ARMCX4: variants seen among roughly 807,000 people sequenced by gnomAD.
ARMCX4 encodes armadillo repeat containing X-linked 4.
ARMCX4 carries 3 observed loss-of-function variants against 34.7 expected under a neutral mutation model. That is an observed-to-expected ratio of 0.09 (90% CI 0.04 to 0.22). The LOEUF is 0.22. Ranked by LOEUF, ARMCX4 falls within the 10% of genes least tolerant of loss-of-function variation. The pLI is 1.00. For synonymous variants in ARMCX4, 513 were observed against 632.8 expected, an observed-to-expected ratio of 0.81 and a Z score of 2.84; for missense variants, 1,448 against 1,720.8, an observed-to-expected ratio of 0.84 and a Z score of 2.81.
At chrX:101,444,617 T>C (rs1279580403) in intron 3 of ARMCX4, among the ~76,000 whole-genome samples, 2 of 112,501 alleles carry the variant, frequency 1.8e-5, no homozygotes, top group Non-Finnish European at 3.7e-5. Context: ...TCTCCCCTCT[T>C]GTAATAGTCT....
At chrX:101,527,603 A>C (rs1446103622) in intron 11 of ARMCX4, among the ~76,000 whole-genome samples, 6 of 111,767 alleles carry the variant, frequency 5.4e-5, no homozygotes, top group African/African-American at 1.6e-4. Context: ...TAAAGAAGAA[A>C]AGAGAGAAGA....
intron 2 of ARMCX4, among the ~76,000 whole-genome samples, chrX:101,429,597 A>G (rs1455513090): frequency 2.7e-5 from 3 of 110,715 alleles, no homozygotes; most frequent in Non-Finnish European, 3.8e-5. Flanking sequence ...CGGCCTCCCA[A>G]AGTGTTGGGA....
chrX:101,512,825 TACACA>T (rs1934616445), intron 11 of ARMCX4, among the ~76,000 whole-genome samples: 1 of 88,317 alleles, frequency 1.1e-5, no homozygotes, highest in Non-Finnish European at 2.1e-5. Flanking sequence ...CACATATATA[TACACA>T]TATATATATG....
intron 2 of ARMCX4, among the ~76,000 whole-genome samples, chrX:101,432,689 C>T (rs968654158): frequency 9.6e-6 from 1 of 104,620 alleles, no homozygotes; most frequent in Admixed American, 1.0e-4. Flanking sequence ...TACATATATA[C>T]GTATATATAC....
At chrX:101,424,427 AC>A (rs1470245124) in intron 2 of ARMCX4, among the ~76,000 whole-genome samples, 1 of 111,537 alleles carries the variant, frequency 9.0e-6, no homozygotes, top group Non-Finnish European at 1.9e-5. Flanking sequence ...GGTCATGGGA[AC>A]CCTGATTTAC....
chrX:101,484,963 A>C (rs983988726), upstream of ARMCX4, among the ~76,000 whole-genome samples: 17 of 111,712 alleles, frequency 1.5e-4, no homozygotes, highest in African/African-American at 5.5e-4. Context: ...CTCTACTTGC[A>C]CCTTCTGCTT....
intron 11 of ARMCX4, among the ~76,000 whole-genome samples, chrX:101,515,260 C>T (rs1230967519): frequency 9.0e-6 from 1 of 110,923 alleles, no homozygotes; most frequent in African/African-American, 3.3e-5. Context: ...TTAGGAGTAT[C>T]CAGTGATGAT....
intron 2 of ARMCX4, among the ~76,000 whole-genome samples, chrX:101,432,959 C>CATGTGT (rs1930263827): frequency 1.8e-5 from 1 of 54,956 alleles, no homozygotes; most frequent in Non-Finnish European, 4.1e-5. Context: ...CACATGTATA[C>CATGTGT]ATATGTGTAT....
In ARMCX4 at chrX:101,502,945, C is replaced by A. The variant is rs868965914; in HGVS notation, c.*1178-1992C>A. Among the ~76,000 whole-genome samples, 25 of 70,054 alleles carry A rather than the reference C, an allele frequency of 3.6e-4. No homozygotes were observed. In the Middle Eastern group the frequency reaches 0.042, roughly 118 times the overall value. 60.8% of individuals were successfully genotyped at this position (70,054 alleles called of 115,157 possible). A position where few individuals can be genotyped will look rare whatever the true frequency, so the allele number is the denominator to read the frequency against. On this transcript the variant is annotated intron_variant and NMD_transcript_variant, in intron 7 of 12. Transcript: ENST00000354842. Reference sequence around the variant, plus strand: ...TGCTATCCCTCCCCCCTCCCCCCACCCCACAACAGGCCCTGGTGTGTGATG... The same window carrying A: ...TGCTATCCCTCCCCCCTCCCCCCACACCACAACAGGCCCTGGTGTGTGATG...
At position 101,489,958 on chromosome X, in the gene ARMCX4, A is replaced by G. The variant is rs782071607; in HGVS notation, c.1369A>G (p.Asn457Asp). ...CAGGGATAAGAGCAGAGGCAATCCC[A>G]ATGTTATGGCTAAGGTGGGGGATGG... The part of the protein sequence containing the change: ...DARDKSRGNP[N>D]VMAKVGDGTD... The change falls in exon 6 of 6, where the codon AAT (asparagine) becomes GAT (aspartate). Residue 457 changes from asparagine (N) to aspartate (D), a missense_variant. Transcript: ENST00000423738. The G allele has an allele frequency of 2.6e-6, 3 of 1,152,142 alleles. No individual in the cohort carries two copies. Among genetic ancestry groups the G allele is most frequent in the Admixed American group, 5.2e-5 (2 of 38,381 alleles). The allele number at this position is 1,152,142 out of a possible 1,213,427, so 94.9% of individuals were successfully genotyped here. A position where few individuals can be genotyped will look rare whatever the true frequency, so the allele number is the denominator to read the frequency against.
intron 11 of ARMCX4, among the ~76,000 whole-genome samples, chrX:101,530,662 A>G (rs1935109428): frequency 8.9e-6 from 1 of 111,985 alleles, no homozygotes; most frequent in East Asian, 2.8e-4. Context: ...GAAAGAAAAG[A>G]ATTGCCAACC....
rs781903648 is a variant in ARMCX4 at position 101,512,853 on chromosome X, T to A, written c.*1780+1798T>A. 6.6e-5 allele frequency among the ~76,000 whole-genome samples: 3 copies of A among 45,119 alleles called. No homozygotes were observed. The South Asian group carries it at 2.4e-3, about 36-fold the overall frequency. 39.2% of individuals were successfully genotyped at this position (45,119 alleles called of 115,157 possible). ...ACATATATATATGTGTATATATGTG[T>A]ATATATGTATATATATGTAGAGAGA... On this transcript the variant is annotated intron_variant and NMD_transcript_variant, in intron 11 of 12. Transcript: ENST00000354842.
chrX:101,472,427 C>G (rs1207243851), intron 4 of ARMCX4, among the ~76,000 whole-genome samples: 1,267 of 79,978 alleles, frequency 0.016, 42 homozygotes, highest in African/African-American at 0.061. Flanking sequence ...GCAAGGCAGG[C>G]CAACATTCAG....
In ARMCX4 at chrX:101,510,274, C is replaced by T. The variant is rs148621292; in HGVS notation, c.*1749+596C>T. 3.3e-3 allele frequency among the ~76,000 whole-genome samples: 370 copies of T among 112,006 alleles called. 3 individuals carry two copies. The highest frequency in any genetic ancestry group is 0.012 in the African/African-American group (359 of 30,880). Reference sequence around the variant, plus strand: ...GCTTGTTTTACTTAACAATATATCACGGAAGTCTTTCCACATGAGTACATA... The same window carrying T: ...GCTTGTTTTACTTAACAATATATCATGGAAGTCTTTCCACATGAGTACATA... On this transcript the variant is annotated intron_variant and NMD_transcript_variant, in intron 10 of 12. Transcript: ENST00000354842.
At chrX:101,502,214 G>A (rs1234832380) in intron 7 of ARMCX4, among the ~76,000 whole-genome samples, 5 of 111,809 alleles carry the variant, frequency 4.5e-5, no homozygotes, top group African/African-American at 1.6e-4. Context: ...ATAAGGTTGA[G>A]TAGCCCCGGC....
chrX:101,483,107 G>A (rs1933534558), upstream of ARMCX4, among the ~76,000 whole-genome samples: 1 of 108,655 alleles, frequency 9.2e-6, no homozygotes, highest in Non-Finnish European at 1.9e-5. Flanking sequence ...CGTTGGCCAG[G>A]CTGGTCTTGA....
At chrX:101,481,478 A>T (rs1037251296), upstream of ARMCX4, among the ~76,000 whole-genome samples, 1 of 111,894 alleles carries the variant, frequency 8.9e-6, no homozygotes, top group Admixed American at 9.5e-5. Context: ...TGCATTTTAG[A>T]TTTATGGTAT....
In ARMCX4 at chrX:101,492,197, C is replaced by T. The variant is rs1556009535; in HGVS notation, c.3608C>T (p.Ala1203Val). ...GGTCAGACTAGTGAGGGGACCTGGG[C>T]TGGGGACAAGGCCAGTGGAGGAGCC... ...AGGQTSEGTW[A>V]GDKASGGAWT... The change falls in exon 6 of 6, where the codon GCT (alanine) becomes GTT (valine). Residue 1203 changes from alanine (A) to valine (V), a missense_variant. Physicochemically the swap from Ala to Val is moderately conservative, Grantham distance 64 (BLOSUM62 0). Around this residue, in one of 2 missense-constraint regions of ARMCX4, gnomAD observed 1,343 missense variants for 1,540.7 expected, o/e 0.87. Coordinates refer to ENST00000423738, the MANE Select transcript of ARMCX4 (RefSeq NM_001256155.3). 1 of 1,145,516 alleles carries T rather than the reference C, an allele frequency of 8.7e-7. No individual in the cohort carries two copies. The highest frequency in any genetic ancestry group is 3.3e-5 in the East Asian group (1 of 30,553). 94.4% of individuals were successfully genotyped at this position (1,145,516 alleles called of 1,213,427 possible).
intron 2 of ARMCX4, among the ~76,000 whole-genome samples, chrX:101,431,555 T>C (rs1194508870): frequency 1.8e-5 from 2 of 111,892 alleles, no homozygotes; most frequent in Non-Finnish European, 3.8e-5. Flanking sequence ...ACGTTTCTTT[T>C]TTTTTTGAGA....
Sources: allele counts gnomAD v4.1 joint callset (sites outside exome capture counted in the v4.1 genomes callset), GRCh38; gene constraint gnomAD v4.1.1; regional missense constraint gnomAD v4.1.1; transcripts MANE v1.5; gene names NCBI Gene and HGNC (gene_info 2026-07-23, HGNC 2026-07-21).